Variants in FAT3 observed in about 807,000 individuals in gnomAD.
FAT3 encodes protocadherin Fat 3.
In FAT3, 95 loss-of-function variants were observed where a neutral mutation model predicts 310.2. The observed-to-expected ratio is 0.31, with a 90% CI of 0.26 to 0.36. The LOEUF (loss-of-function observed/expected upper bound fraction) is 0.36. Among genes scored for constraint, FAT3 ranks in the 10% least tolerant of loss-of-function variants. FAT3 has a pLI of 1.00. For synonymous variants in FAT3, 2,314 were observed against 2,192.9 expected, an observed-to-expected ratio of 1.06 and a Z score of -1.54; for missense variants, 5,408 against 5,715.6, an observed-to-expected ratio of 0.95 and a Z score of 1.74.
chr11:92,250,422 C>G, intron 1 of FAT3, among the ~76,000 whole-genome samples: 1 of 151,632 alleles, frequency 6.6e-6, no homozygotes, highest in Non-Finnish European at 1.5e-5. Flanking sequence ...TATGGAAAGG[C>G]CTATGCAGTT....
At chr11:92,724,821 A>G (rs1301951761) in intron 4 of FAT3, among the ~76,000 whole-genome samples, 10 of 152,216 alleles carry the variant, frequency 6.6e-5, no homozygotes, top group Non-Finnish European at 1.3e-4. Context: ...TAAAGTACAC[A>G]CCATTAAATG....
intron 3 of FAT3, among the ~76,000 whole-genome samples, chr11:92,580,085 T>C (rs10501792): frequency 0.013 from 1,969 of 152,192 alleles, 32 homozygotes; most frequent in African/African-American, 0.034. Flanking sequence ...ATAATCTTGC[T>C]TTTGTTATTT....
At chr11:92,230,283 C>T (rs1163517482) in intron 1 of FAT3, among the ~76,000 whole-genome samples, 2 of 151,754 alleles carry the variant, frequency 1.3e-5, no homozygotes, top group African/African-American at 4.8e-5. Flanking sequence ...TCTATTTTCC[C>T]TATTTTATTT....
At chr11:92,477,906 G>A (rs911230586) in intron 2 of FAT3, among the ~76,000 whole-genome samples, 30 of 152,142 alleles carry the variant, frequency 2.0e-4, no homozygotes, top group Non-Finnish European at 3.2e-4. Flanking sequence ...AGCATGGCAC[G>A]GGGCTAGGAA....
rs146706186 is a variant in FAT3, at chr11:92,667,172, G to A, written c.3608-30212G>A. On this transcript the variant is annotated intron_variant, in intron 3 of 27. Transcript: ENST00000525166. The stretch of plus-strand genomic sequence containing the variant: ...ACTTTCATATCTGTGATGCCAACTT[G>A]GTATTAGATCTGATTTAGCTACACA... Among the ~76,000 whole-genome samples the A allele has an allele frequency of 2.7e-3, 414 of 152,226 alleles. 2 individuals carry two copies. Among genetic ancestry groups the A allele is most frequent in the African/African-American group, 9.5e-3 (395 of 41,524 alleles).
At chr11:92,698,238 C>T (rs1365682926) in intron 4 of FAT3, among the ~76,000 whole-genome samples, 2 of 152,036 alleles carry the variant, frequency 1.3e-5, no homozygotes, top group African/African-American at 4.8e-5. Context: ...ATCCACTACC[C>T]CTCCTAACAC....
At chr11:92,700,797 C>A (rs1165703131) in intron 4 of FAT3, among the ~76,000 whole-genome samples, 1 of 152,130 alleles carries the variant, frequency 6.6e-6, no homozygotes, top group Non-Finnish European at 1.5e-5. Flanking sequence ...TCCTCTCTCT[C>A]TTTTTCTCTC....
At position 92,239,606 on chromosome 11, in the gene FAT3, T is replaced by C. The variant is rs184887638; in HGVS notation, c.-18+14432T>C. 2.0e-4 allele frequency among the ~76,000 whole-genome samples: 31 copies of C among 152,238 alleles called. No homozygotes were observed. The East Asian group carries it at 5.4e-3, about 27-fold the overall frequency. Reference sequence around the variant, plus strand: ...TAACTTCAGAATTGCTTTGAGTCCATGTCATGTTACTCCTGGGAATGGGCT... The same window carrying C: ...TAACTTCAGAATTGCTTTGAGTCCACGTCATGTTACTCCTGGGAATGGGCT... On this transcript the variant is annotated intron_variant, in intron 1 of 27. Transcript: ENST00000525166.
intron 3 of FAT3, among the ~76,000 whole-genome samples, chr11:92,573,939 AGAAAATT>A (rs760926116): frequency 1.3e-5 from 2 of 152,194 alleles, no homozygotes; most frequent in Non-Finnish European, 2.9e-5. Flanking sequence ...AAATGAATAA[AGAAAATT>A]GAAATCACCT....
rs186254155 is a variant in FAT3, at chr11:92,594,098, G to A, written c.3607+69150G>A. Among the ~76,000 whole-genome samples, 13 of 152,274 alleles carry A rather than the reference G, an allele frequency of 8.5e-5. No homozygotes were observed. The East Asian group carries it at 2.5e-3, about 29-fold the overall frequency. On this transcript the variant is annotated intron_variant, in intron 3 of 27. Coordinates refer to ENST00000525166, the MANE Select transcript of FAT3 (RefSeq NM_001367949.2). ...AGTCAGGACTTAAGGGGCTGCAGGT[G>A]AGAGTGCAAGACCTTGTGATATCCA...
At chr11:92,524,299 AC>A (rs1434445240) in intron 2 of FAT3, among the ~76,000 whole-genome samples, 1 of 151,836 alleles carries the variant, frequency 6.6e-6, no homozygotes. Context: ...AAGTGCTTTG[AC>A]CCCTGGCCCA....
chr11:92,238,513 G>A (rs1367579780), intron 1 of FAT3, among the ~76,000 whole-genome samples: 1 of 151,948 alleles, frequency 6.6e-6, no homozygotes, highest in East Asian at 1.9e-4. Context: ...TTTGTTTTTT[G>A]TTTTTGCTTA....
intron 2 of FAT3, among the ~76,000 whole-genome samples, chr11:92,414,125 A>C (rs932633166): frequency 2.0e-5 from 3 of 152,088 alleles, no homozygotes; most frequent in African/African-American, 7.2e-5. Context: ...CTTGTTTGGC[A>C]TACTGAGATA....
chr11:92,813,508 G>A (rs536313640), intron 13 of FAT3, among the ~76,000 whole-genome samples: 1 of 152,150 alleles, frequency 6.6e-6, no homozygotes, highest in Admixed American at 6.5e-5. Context: ...CTTCATTTAA[G>A]CACCACATTC....
intron 2 of FAT3, among the ~76,000 whole-genome samples, chr11:92,390,774 G>T (rs1277266847): frequency 6.6e-6 from 1 of 152,178 alleles, no homozygotes; most frequent in Admixed American, 6.5e-5. Context: ...CTCCAGGAAT[G>T]GGTAGAAGCT....
intron 4 of FAT3, among the ~76,000 whole-genome samples, chr11:92,740,917 A>G (rs1038975532): frequency 1.3e-5 from 2 of 152,074 alleles, no homozygotes; most frequent in Non-Finnish European, 2.9e-5. Context: ...AATATTTTTC[A>G]TGTCTGAGTT....
intron 3 of FAT3, among the ~76,000 whole-genome samples, chr11:92,687,047 A>G (rs1943655434): frequency 6.6e-6 from 1 of 152,192 alleles, no homozygotes; most frequent in South Asian, 2.1e-4. Flanking sequence ...TTGGGGGTTG[A>G]ACAATCCAGA....
chr11:92,610,604 A>G (rs966087939), intron 3 of FAT3, among the ~76,000 whole-genome samples: 1 of 152,172 alleles, frequency 6.6e-6, no homozygotes, highest in African/African-American at 2.4e-5. Flanking sequence ...ATCTCAGTTT[A>G]AGCCTCTTGT....
intron 4 of FAT3, among the ~76,000 whole-genome samples, chr11:92,705,566 G>GTGTGA (rs1944277927): frequency 7.0e-5 from 1 of 14,224 alleles, no homozygotes; most frequent in Non-Finnish European, 1.5e-4. Context: ...TGTGATGGTG[G>GTGTGA]TGGTGGTGGT....
Sources: allele counts gnomAD v4.1 joint callset (sites outside exome capture counted in the v4.1 genomes callset), GRCh38; gene constraint gnomAD v4.1.1; transcripts MANE v1.5; gene names NCBI Gene and HGNC (gene_info 2026-07-23, HGNC 2026-07-21).